RTN4IP1: variants seen among roughly 807,000 people sequenced by gnomAD.
The protein encoded by RTN4IP1 is NAD(P)H oxidoreductase RTN4IP1, mitochondrial.
Under a neutral mutation model 46.6 loss-of-function variants are expected in RTN4IP1, and 32 were observed. That is an observed-to-expected ratio of 0.69 (90% CI 0.52 to 0.92). The LOEUF is 0.92. Ranked by LOEUF, RTN4IP1 falls within the 40% of genes least tolerant of loss-of-function variation. The pLI is 0.00. For synonymous variants in RTN4IP1, 167 were observed against 161.8 expected (o/e 1.03, Z -0.24); for missense variants, 424 against 485.8 (o/e 0.87, Z 1.20).
chr6:106,627,140 A>G (rs1776669458), intron 1 of RTN4IP1, among the ~76,000 whole-genome samples: 1 of 7,058 alleles, frequency 1.4e-4, no homozygotes, highest in African/African-American at 5.2e-4. Context: ...AAAAGGTAGG[A>G]GAAAAAAAAA....
Position 106,619,196 on chromosome 6 carries a change from A to G in RTN4IP1, c.620+6T>C. ...TTTAGATGCTGCCACTGACTGATAC[A>G]CTTACCGTTTTCCTGTGCAATTCTT... On this transcript the variant is annotated splice_donor_region_variant and intron_variant, in intron 4 of 8. Coordinates refer to ENST00000369063, the MANE Select transcript of RTN4IP1 (RefSeq NM_032730.5). 6.2e-7 allele frequency: 1 copy of G among 1,614,078 alleles called. No individual in the cohort carries two copies. The highest frequency in any genetic ancestry group is 1.7e-4 in the Middle Eastern group (1 of 6,060).
chr6:106,576,115 A>C (rs1775220355), intron 8 of RTN4IP1, among the ~76,000 whole-genome samples: 1 of 152,200 alleles, frequency 6.6e-6, no homozygotes, highest in South Asian at 2.1e-4. Context: ...AAGGGGAAGA[A>C]GGGGACTTAA....
At chr6:106,613,485 GACAAC>G (rs2114670103) in intron 4 of RTN4IP1, among the ~76,000 whole-genome samples, 1 of 152,304 alleles carries the variant, frequency 6.6e-6, no homozygotes, top group South Asian at 2.1e-4. Context: ...GAATTTACAA[GACAAC>G]ACTATATGGA....
chr6:106,627,743 C>CTTTTTTT (rs759953237), intron 1 of RTN4IP1, among the ~76,000 whole-genome samples: 11 of 52,988 alleles, frequency 2.1e-4, no homozygotes, highest in East Asian at 5.0e-4. Flanking sequence ...CATTTCAATG[C>CTTTTTTT]TTTTTTTTTT....
In RTN4IP1 at chr6:106,619,202, C is replaced by T. The variant is rs370671307; in HGVS notation, c.620G>A (p.Arg207His). Residue 207 changes from arginine to histidine, a missense_variant and splice_region_variant, in exon 4 of 9, where the codon CGT becomes CAT. Transcript: ENST00000369063. ...GLNDKNCTGK[R>H]VLILGASGGV... ...TGCTGCCACTGACTGATACACTTAC[C>T]GTTTTCCTGTGCAATTCTTGTCATT... 3.1e-6 allele frequency: 5 copies of T among 1,613,922 alleles called. No individual in the cohort carries two copies. The highest frequency in any genetic ancestry group is 4.2e-6 in the Non-Finnish European group (5 of 1,179,946).
At chr6:106,588,974 G>A (rs1775552751) in intron 6 of RTN4IP1, among the ~76,000 whole-genome samples, 1 of 150,936 alleles carries the variant, frequency 6.6e-6, no homozygotes, top group Admixed American at 6.6e-5. Flanking sequence ...GCCAGATGTG[G>A]TGGCACATGC....
At chr6:106,581,092 G>C (rs566122949) in intron 8 of RTN4IP1, among the ~76,000 whole-genome samples, 1 of 152,052 alleles carries the variant, frequency 6.6e-6, no homozygotes, top group South Asian at 2.1e-4. Flanking sequence ...GAGTATCTTT[G>C]GAATACCCAA....
chr6:106,577,522 A>G (rs999246290), intron 8 of RTN4IP1, among the ~76,000 whole-genome samples: 5 of 147,086 alleles, frequency 3.4e-5, no homozygotes, highest in Admixed American at 2.0e-4. Context: ...CCACCTCAGG[A>G]GCAACCAAGG....
chr6:106,628,813 TAGTG>T lies in RTN4IP1; in HGVS notation c.205_208del (p.His69IlefsTer14). The stretch of plus-strand genomic sequence containing the variant: ...AACTTTGACAATGACTTCATTTGGA[TAGTG>T]TATGATAGGCATCATCATGTTCTGA... On this transcript the variant is annotated frameshift_variant, in exon 1 of 9. Transcript: ENST00000369063. LOFTEE classifies it high-confidence loss of function. The T allele has an allele frequency of 4.3e-6, 7 of 1,614,046 alleles. No homozygotes were observed. Among genetic ancestry groups the T allele is most frequent in the Non-Finnish European group, 5.9e-6 (7 of 1,179,898 alleles).
intron 4 of RTN4IP1, among the ~76,000 whole-genome samples, chr6:106,615,982 A>T (rs910479511): frequency 6.6e-6 from 1 of 151,318 alleles, no homozygotes; most frequent in African/African-American, 2.4e-5. Context: ...ACCGTTGCGC[A>T]ATCTCAGCTC....
At chr6:106,592,097 A>G in intron 6 of RTN4IP1, 67 bp downstream of exon 6, 1 of 1,504,494 alleles carries the variant, frequency 6.6e-7, no homozygotes, top group Non-Finnish European at 9.1e-7. Context: ...CCACCAAGCC[A>G]TCTCAGACCT....
At chr6:106,590,433 C>A (rs902385519) in intron 6 of RTN4IP1, among the ~76,000 whole-genome samples, 1 of 151,706 alleles carries the variant, frequency 6.6e-6, no homozygotes, top group African/African-American at 2.4e-5. Flanking sequence ...GATACAAGAT[C>A]GGGCTGGGCG....
chr6:106,619,760 C>T (rs1776440571), intron 3 of RTN4IP1, among the ~76,000 whole-genome samples: 3 of 150,818 alleles, frequency 2.0e-5, no homozygotes, highest in Non-Finnish European at 4.4e-5. Flanking sequence ...TACAGGCGCC[C>T]GCCACTGCGC....
At chr6:106,574,246 A>AC (rs11410578) in intron 8 of RTN4IP1, among the ~76,000 whole-genome samples, 141,638 of 151,982 alleles carry the variant, frequency 0.93, 66,809 homozygotes, top group East Asian at 1. Context: ...GGAGTTTGAG[A>AC]CAGCCTGGCC....
chr6:106,616,381 T>G (rs1582385888), intron 4 of RTN4IP1, among the ~76,000 whole-genome samples: 1 of 152,320 alleles, frequency 6.6e-6, no homozygotes, highest in Non-Finnish European at 1.5e-5. Context: ...TTAGAAAGAT[T>G]TGTCCTAATT....
chr6:106,589,835 G>A (rs1414328377), intron 6 of RTN4IP1, among the ~76,000 whole-genome samples: 2 of 152,122 alleles, frequency 1.3e-5, no homozygotes, highest in Admixed American at 6.5e-5. Context: ...AAGTAGTAAC[G>A]GCATGCATTT....
At chr6:106,609,489 A>C (rs1776169654) in intron 4 of RTN4IP1, among the ~76,000 whole-genome samples, 1 of 152,192 alleles carries the variant, frequency 6.6e-6, no homozygotes, top group South Asian at 2.1e-4. Context: ...TGATTGTGCC[A>C]CTGTACTCTA....
chr6:106,574,031 C>T (rs767174400), intron 8 of RTN4IP1, among the ~76,000 whole-genome samples: 7 of 152,230 alleles, frequency 4.6e-5, no homozygotes, highest in Non-Finnish European at 8.8e-5. Flanking sequence ...CTATTAACTG[C>T]TCTGAGCTGG....
chr6:106,619,424 A>T (rs1484489715), intron 3 of RTN4IP1, 98 bp from the exon 4 acceptor site: 4 of 1,393,096 alleles, frequency 2.9e-6, no homozygotes, highest in Non-Finnish European at 3.9e-6. Flanking sequence ...CTGACCCTTG[A>T]ACAACAGGGG....
Sources: gnomAD v4.1 joint callset for allele counts (sites outside exome capture counted in the v4.1 genomes callset) on GRCh38, gnomAD v4.1.1 for gene constraint, MANE v1.5 for transcripts, NCBI Gene and HGNC (gene_info 2026-07-23, HGNC 2026-07-21) for gene names.